The following P2RX5 variants were observed in gnomAD, a reference collection of about 807,000 sequenced individuals.
The protein encoded by P2RX5 is purinergic receptor P2X 5.
A neutral mutation model predicts 54.1 loss-of-function variants in P2RX5; 46 were observed. The ratio of observed to expected loss-of-function variants is 0.85; its 90% CI spans 0.67 to 1.09. The LOEUF (loss-of-function observed/expected upper bound fraction) is 1.09, where lower values mean the gene tolerates loss of function less well. P2RX5 is among the 50% of genes least tolerant of loss of function. The pLI, the probability that P2RX5 is intolerant of heterozygous loss-of-function variation, is 0.00. For synonymous variants in P2RX5, 226 were observed against 226.4 expected (o/e 1.00, Z 0.02); for missense variants, 566 against 549.8 (o/e 1.03, Z -0.29).
At chr17:3,679,855 G>A in intron 10 of P2RX5, 71 bp from the exon 11 acceptor site, 1 of 1,363,590 alleles carries the variant, frequency 7.3e-7, no homozygotes. Flanking sequence ...GGGCGGAGTG[G>A]GCCTTGAAGA....
At chr17:3,692,005 A>G (rs1471873493) in intron 1 of P2RX5, 2 of 588,722 alleles carry the variant, frequency 3.4e-6, no homozygotes, top group Non-Finnish European at 3.0e-6. Flanking sequence ...GCGACAAGCA[A>G]CCCTAGAGAT....
upstream of P2RX5, among the ~76,000 whole-genome samples, chr17:3,700,825 C>G (rs969026223): frequency 6.6e-6 from 1 of 152,146 alleles, no homozygotes; most frequent in Non-Finnish European, 1.5e-5. Context: ...ACCTCCTCCT[C>G]TCTCTCCTGC....
chr17:3,690,805 TC>T, intron 3 of P2RX5, 125 bp from the exon 4 acceptor site: 2 of 1,167,486 alleles, frequency 1.7e-6, no homozygotes, highest in Non-Finnish European at 2.5e-6. Flanking sequence ...AACCTACTTC[TC>T]CCCCATATAA....
chr17:3,699,870 AAAGAAAGGAAGG>A (rs2050803622), upstream of P2RX5, among the ~76,000 whole-genome samples: 4 of 27,150 alleles, frequency 1.5e-4, no homozygotes, highest in South Asian at 6.8e-3. Context: ...AGAAAGAAAG[AAAGAAAGGAAGG>A]AAGGAAGGAA....
chr17:3,674,919 C>T (rs937387753), intron 11 of P2RX5, among the ~76,000 whole-genome samples: 1 of 152,216 alleles, frequency 6.6e-6, no homozygotes, highest in Non-Finnish European at 1.5e-5. Flanking sequence ...TGGAAACCCT[C>T]GGGGGCAGGG....
chr17:3,681,429 A>C (rs778948514), intron 10 of P2RX5, among the ~76,000 whole-genome samples: 70 of 147,522 alleles, frequency 4.7e-4, no homozygotes, highest in Non-Finnish European at 9.4e-4. Flanking sequence ...CGCACACCCC[A>C]CCGAACCCAG....
At chr17:3,682,000 T>C in intron 9 of P2RX5, 22 bp from the exon 10 acceptor site, 3 of 1,548,208 alleles carry the variant, frequency 1.9e-6, no homozygotes, top group Non-Finnish European at 2.7e-6. Context: ...GGGTTCCTGA[T>C]TCAGAATCCT....
chr17:3,673,259 C>A lies in P2RX5; in HGVS notation c.*609G>T. The stretch of plus-strand genomic sequence containing the variant: ...TTGACACCATTTATTGTTTTATGAC[C>A]AAATAAGAGTGTCAGAGAATACATA... On this transcript the variant is annotated 3_prime_UTR_variant, in exon 12 of 12. Transcript: ENST00000225328. 1.0e-6 allele frequency: 1 copy of A among 989,028 alleles called. No individual in the cohort carries two copies. Among genetic ancestry groups the A allele is most frequent in the Non-Finnish European group, 1.2e-6 (1 of 831,914 alleles). The allele number at this position is 989,028 out of a possible 1,614,324, so 61.3% of individuals were successfully genotyped here.
At chr17:3,696,951 C>G (rs1248922503), upstream of P2RX5, among the ~76,000 whole-genome samples, 2 of 152,108 alleles carry the variant, frequency 1.3e-5, no homozygotes, top group Non-Finnish European at 2.9e-5. Flanking sequence ...GCCGTGGCTC[C>G]CCCACAGGCT....
At chr17:3,714,764 C>A in the P2RX5 span, 1 of 771,468 alleles carries the variant, frequency 1.3e-6, no homozygotes, top group Non-Finnish European at 2.2e-6. Flanking sequence ...TCTAGATCAT[C>A]CTGAAGGAAA....
chr17:3,681,457 A>T (rs2050278146), intron 10 of P2RX5, among the ~76,000 whole-genome samples: 1 of 152,004 alleles, frequency 6.6e-6, no homozygotes, highest in Admixed American at 6.6e-5. Context: ...GAAACTCCGG[A>T]AACAGCCTCT....
chr17:3,720,001 C>T, the P2RX5 span, among the ~76,000 whole-genome samples: 3 of 152,216 alleles, frequency 2.0e-5, no homozygotes, highest in East Asian at 5.8e-4. Context: ...GCTAGGATTA[C>T]AGGCGTGAGC....
At chr17:3,690,404 G>A in intron 5 of P2RX5, 23 bp downstream of exon 5, 2 of 1,560,664 alleles carry the variant, frequency 1.3e-6, no homozygotes, top group Non-Finnish European at 1.8e-6. Flanking sequence ...ACCCCTCAGG[G>A]TCCTGAGGCT....
chr17:3,716,316 C>T, the P2RX5 span, among the ~76,000 whole-genome samples: 1 of 152,154 alleles, frequency 6.6e-6, no homozygotes, highest in Non-Finnish European at 1.5e-5. Flanking sequence ...ACAACAGTCA[C>T]ATCTGTTTTA....
At chr17:3,699,390 T>A (rs368362882), upstream of P2RX5, among the ~76,000 whole-genome samples, 8 of 150,868 alleles carry the variant, frequency 5.3e-5, no homozygotes, top group African/African-American at 2.0e-4. Flanking sequence ...AGACCCTGCT[T>A]CTTAAAAAAA....
the P2RX5 span, among the ~76,000 whole-genome samples, chr17:3,703,668 T>C: frequency 2.0e-5 from 3 of 152,254 alleles, no homozygotes; most frequent in East Asian, 5.8e-4. Flanking sequence ...CCCTGCAGCC[T>C]CTGAAGACAC....
rs1339565292 is a variant in P2RX5, at chr17:3,688,628, G to C, written c.885C>G (p.Phe295Leu). 3 of 1,614,134 alleles carry C rather than the reference G, an allele frequency of 1.9e-6. No homozygotes were observed. Among genetic ancestry groups the C allele is most frequent in the Non-Finnish European group, 2.5e-6 (3 of 1,180,010 alleles). Residue 295 changes from phenylalanine (F) to leucine (L), a missense_variant and splice_region_variant, in exon 8 of 12, where the codon TTC becomes TTG. Coordinates refer to ENST00000225328, the MANE Select transcript of P2RX5 (RefSeq NM_002561.4). Reference sequence around the variant, plus strand: ...AGTGGGCACAAGGCAGCGGTTACCTGAAGTTGTACCCGGAGGAGACAGACT... The same window carrying C: ...AGTGGGCACAAGGCAGCGGTTACCTCAAGTTGTACCCGGAGGAGACAGACT... Reference protein sequence around the residue: ...LSKSVSSGYNFRFARYYRDAA... With the variant: ...LSKSVSSGYNLRFARYYRDAA...
upstream of P2RX5, among the ~76,000 whole-genome samples, chr17:3,699,052 G>GACAGACACAC (rs1555571232): frequency 2.9e-4 from 12 of 40,846 alleles, no homozygotes; most frequent in South Asian, 2.2e-3. Context: ...TATATAGACA[G>GACAGACACAC]ACACACACAC....
intron 11 of P2RX5, among the ~76,000 whole-genome samples, chr17:3,679,301 A>G (rs160580): frequency 0.64 from 97,403 of 152,112 alleles, 32,343 homozygotes; most frequent in African/African-American, 0.81. Context: ...GAGGGGTTCC[A>G]GGCAGAGAGT....
Sources: allele counts gnomAD v4.1 joint callset (sites outside exome capture counted in the v4.1 genomes callset), GRCh38; gene constraint gnomAD v4.1.1; transcripts MANE v1.5; gene names NCBI Gene and HGNC (gene_info 2026-07-23, HGNC 2026-07-21).